Variants in PCDHGB3 observed in about 807,000 individuals in gnomAD.
PCDHGB3 encodes the protein protocadherin gamma-B3.
Under a neutral mutation model 59.2 loss-of-function variants are expected in PCDHGB3, and 40 were observed. The observed-to-expected ratio is 0.68, with a 90% CI of 0.52 to 0.88. The LOEUF is 0.88. Ranked by LOEUF, PCDHGB3 falls within the 40% of genes least tolerant of loss-of-function variation. The pLI, the probability that PCDHGB3 is intolerant of heterozygous loss-of-function variation, is 0.00. For synonymous variants in PCDHGB3, 581 were observed against 503.6 expected, an observed-to-expected ratio of 1.15 and a Z score of -2.06; for missense variants, 1,309 against 1,187.9, an observed-to-expected ratio of 1.10 and a Z score of -1.50.
chr5:141,419,391 G>A, intron 1 of PCDHGB3: 1 of 1,613,630 alleles, frequency 6.2e-7, no homozygotes. Flanking sequence ...AGCGCGCAGA[G>A]CGGGGTGGTG....
intron 1 of PCDHGB3, 131 bp downstream of exon 1, chr5:141,372,940 T>G: frequency 1.2e-6 from 1 of 817,644 alleles, no homozygotes; most frequent in Non-Finnish European, 1.8e-6. Flanking sequence ...TAGAGTAGGG[T>G]GTCTAGGAAA....
intron 1 of PCDHGB3, chr5:141,388,337 A>G (rs1256150334): frequency 6.2e-7 from 1 of 1,613,990 alleles, no homozygotes; most frequent in Non-Finnish European, 8.5e-7. Context: ...CTGGCACACG[A>G]TTTATATTAG....
At chr5:141,488,797 T>G (rs1451050520) in intron 1 of PCDHGB3, among the ~76,000 whole-genome samples, 6 of 152,158 alleles carry the variant, frequency 3.9e-5, no homozygotes, top group Non-Finnish European at 8.8e-5. Context: ...TCTTCCCTGT[T>G]GAGTACCATC....
intron 1 of PCDHGB3, chr5:141,405,534 C>T: frequency 3.1e-6 from 2 of 648,486 alleles, no homozygotes; most frequent in Non-Finnish European, 5.3e-6. Flanking sequence ...ATTCTCCTGC[C>T]TCAGCCTCCC....
chr5:141,383,788 C>T (rs1375292315), intron 1 of PCDHGB3: 2 of 1,613,944 alleles, frequency 1.2e-6, no homozygotes, highest in Non-Finnish European at 1.7e-6. Context: ...TCTGAACTCG[C>T]TTACAGGAGA....
At position 141,370,299 on chromosome 5, in the gene PCDHGB3, G is replaced by A. The variant is rs914086562; in HGVS notation, c.-96G>A. 8.6e-7 allele frequency: 1 copy of A among 1,160,314 alleles called. No individual in the cohort carries two copies. The highest frequency in any genetic ancestry group is 1.5e-5 in the African/African-American group (1 of 64,826). 71.9% of individuals were successfully genotyped at this position (1,160,314 alleles called of 1,614,324 possible). On this transcript the variant is annotated 5_prime_UTR_variant, in exon 1 of 4. Transcript: ENST00000576222. ...ACCCATTAGAGAACCCAAGCACAAA[G>A]ACAAAGCAAATAGTTGGTCCTGCTC...
chr5:141,408,789 T>C, intron 1 of PCDHGB3: 1 of 1,612,724 alleles, frequency 6.2e-7, no homozygotes, highest in Non-Finnish European at 8.5e-7. Context: ...GAGTTATCTC[T>C]GGAGAAACTC....
chr5:141,383,734 T>C (rs1249029357), intron 1 of PCDHGB3: 2 of 1,613,994 alleles, frequency 1.2e-6, no homozygotes, highest in East Asian at 4.5e-5. Context: ...GGAAGTGACA[T>C]ATTCTTTTCG....
chr5:141,419,769 C>A (rs773303779), intron 1 of PCDHGB3: 14 of 1,614,006 alleles, frequency 8.7e-6, no homozygotes, highest in East Asian at 4.5e-5. Context: ...GACAAGGACT[C>A]GGTCCGCCAG....
chr5:141,380,372 C>T lies in PCDHGB3; in HGVS notation c.2415+7563C>T, dbSNP rs73265858. On this transcript the variant is annotated intron_variant, in intron 1 of 3. Transcript: ENST00000576222. ...TTGTTTGTTTTTTAGAAAAAAAAGT[C>T]CCAAAAAAGAAAAGAGAGAAGATAA... 8.4e-3 allele frequency among the ~76,000 whole-genome samples: 1,279 copies of T among 152,058 alleles called. 17 individuals are homozygous for T. Among genetic ancestry groups the T allele is most frequent in the African/African-American group, 0.029 (1,214 of 41,474 alleles).
chr5:141,416,728 T>C (rs2096057160), intron 1 of PCDHGB3: 1 of 152,232 alleles, frequency 6.6e-6, no homozygotes, highest in Non-Finnish European at 1.5e-5. Context: ...GTTCATTTAG[T>C]TCAATGAAAA....
chr5:141,413,573 A>G (rs375156046), intron 1 of PCDHGB3: 12 of 1,613,768 alleles, frequency 7.4e-6, no homozygotes, highest in South Asian at 4.4e-5. Context: ...ATCAATGACA[A>G]TGCTCCAAAA....
intron 1 of PCDHGB3, among the ~76,000 whole-genome samples, chr5:141,448,632 T>G (rs1383720361): frequency 1.3e-5 from 2 of 152,106 alleles, no homozygotes; most frequent in Admixed American, 1.3e-4. Context: ...TTCTTCACAT[T>G]ATATCCTTTA....
chr5:141,436,931 G>A (rs1026520169), intron 1 of PCDHGB3, among the ~76,000 whole-genome samples: 1 of 152,114 alleles, frequency 6.6e-6, no homozygotes, highest in Non-Finnish European at 1.5e-5. Context: ...CTTTTTCTTT[G>A]TCTGAACCAT....
Position 141,490,013 on chromosome 5 carries a change from G to A in PCDHGB3, c.2416-4794G>A. 6.2e-7 allele frequency: 1 copy of A among 1,614,206 alleles called. No individual in the cohort carries two copies. The highest frequency in any genetic ancestry group is 1.1e-5 in the South Asian group (1 of 91,088). Reference sequence around the variant, plus strand: ...GGAATCCCAGAGAATGCACCCATTGGTACTCTGCTGCTCCGCCTCAATGCC... The same window carrying A: ...GGAATCCCAGAGAATGCACCCATTGATACTCTGCTGCTCCGCCTCAATGCC... On this transcript the variant is annotated intron_variant, in intron 1 of 3. Transcript: ENST00000576222. This position sits in a 1 kb window ranked among gnomAD's most constrained non-coding sequence, Gnocchi z 5.4.
At chr5:141,391,240 T>C (rs1388357484) in intron 1 of PCDHGB3, 1 of 152,150 alleles carries the variant, frequency 6.6e-6, no homozygotes, top group Non-Finnish European at 1.5e-5. Flanking sequence ...GCTAGGTATA[T>C]CTAAGCAACT....
intron 1 of PCDHGB3, among the ~76,000 whole-genome samples, chr5:141,434,888 C>T (rs1287540129): frequency 6.6e-6 from 1 of 150,944 alleles, no homozygotes; most frequent in Non-Finnish European, 1.5e-5. Flanking sequence ...AACAACAATC[C>T]AGTCCCCTTC....
chr5:141,445,537 G>A (rs1266179512), intron 1 of PCDHGB3, among the ~76,000 whole-genome samples: 1 of 152,182 alleles, frequency 6.6e-6, no homozygotes, highest in African/African-American at 2.4e-5. Flanking sequence ...AAGCCAACAA[G>A]GAGAAATACA....
chr5:141,477,814 G>C lies in PCDHGB3; in HGVS notation c.2416-16993G>C, dbSNP rs780195618. The C allele has an allele frequency of 1.2e-6, 2 of 1,614,110 alleles. No homozygotes were observed. The highest frequency in any genetic ancestry group is 1.1e-5 in the South Asian group (1 of 91,074). On this transcript the variant is annotated intron_variant, in intron 1 of 3. Coordinates refer to ENST00000576222, the MANE Select transcript of PCDHGB3 (RefSeq NM_018924.5). The surrounding 1 kb of genome is among the most constrained non-coding windows in gnomAD (Gnocchi z 4.9). ...CTGATCGCAATGACAATGCCCCCCA[G>C]GTCCTATATCCTCGGCCAGGTGGGA... is the stretch of plus-strand genomic sequence containing the variant.
Sources: allele counts gnomAD v4.1 joint callset (sites outside exome capture counted in the v4.1 genomes callset), GRCh38; gene constraint gnomAD v4.1.1; non-coding constraint Gnocchi (gnomAD v3.1); transcripts MANE v1.5; gene names NCBI Gene and HGNC (gene_info 2026-07-23, HGNC 2026-07-21).